Variants in IFT88 observed in about 807,000 individuals in gnomAD.
IFT88 encodes the protein intraflagellar transport protein 88 homolog.
In IFT88, 74 loss-of-function variants were observed where a neutral mutation model predicts 119.5. The ratio of observed to expected loss-of-function variants is 0.62; its 90% confidence interval spans 0.51 to 0.75. The LOEUF is 0.75. Among genes scored for constraint, IFT88 ranks in the 30% least tolerant of loss-of-function variants. IFT88 has a pLI of 0.00. For synonymous variants in IFT88, 279 were observed against 316.7 expected (o/e 0.88, Z 1.26); for missense variants, 961 against 977.7 (o/e 0.98, Z 0.23).
At position 20,691,300 on chromosome 13, in the gene IFT88, T is replaced by C; in HGVS notation, c.*125T>C. On this transcript the variant is annotated 3_prime_UTR_variant, in exon 26 of 26. Transcript: ENST00000351808. ...ACTGTCAAAACTTAAGTAAGTGTAT[T>C]CTATTCTGTATGTATGCATTTAAGT... The C allele has an allele frequency of 1.1e-6, 1 of 888,928 alleles. No homozygotes were observed. Among genetic ancestry groups the C allele is most frequent in the Non-Finnish European group, 1.7e-6 (1 of 599,524 alleles). 55.1% of individuals were successfully genotyped at this position (888,928 alleles called of 1,614,324 possible).
chr13:20,643,411 A>G, intron 18 of IFT88, 44 bp from the exon 19 acceptor site: 1 of 1,477,286 alleles, frequency 6.8e-7, no homozygotes, highest in African/African-American at 1.4e-5. Context: ...CTTATTGCTT[A>G]ATGAATTTAG....
chr13:20,582,434 G>T (rs77931610), intron 2 of IFT88, among the ~76,000 whole-genome samples: 1 of 152,146 alleles, frequency 6.6e-6, no homozygotes, highest in African/African-American at 2.4e-5. Context: ...TCCAGTCTGC[G>T]TCTCAGACTT....
Position 20,638,391 on chromosome 13 carries a change from T to C in IFT88, c.1446T>C (p.Tyr482=). ...ATATAGCTGTGAACTCTGATAGATA[T>C]AATCCAGCAGCTCTTACTAATAAAG... is the stretch of plus-strand genomic sequence containing the variant. ...YADIAVNSDR[Y]NPAALTNKGN... The change falls in exon 17 of 26, where the codon TAT becomes TAC. Residue 482 remains tyrosine, a synonymous_variant. Transcript: ENST00000351808. 1 of 1,509,298 alleles carries C rather than the reference T, an allele frequency of 6.6e-7. No individual in the cohort carries two copies. The highest frequency in any genetic ancestry group is 8.8e-7 in the Non-Finnish European group (1 of 1,133,382). The allele number at this position is 1,509,298 out of a possible 1,614,324, so 93.5% of individuals were successfully genotyped here.
chr13:20,611,437 C>T (rs1304365181), intron 13 of IFT88, among the ~76,000 whole-genome samples: 1 of 140,732 alleles, frequency 7.1e-6, no homozygotes, highest in Non-Finnish European at 1.5e-5. Context: ...ATTGCTTGAG[C>T]CTGGGAGGTG....
chr13:20,570,142 CAG>C (rs1366461347), intron 1 of IFT88, among the ~76,000 whole-genome samples: 2 of 152,022 alleles, frequency 1.3e-5, no homozygotes, highest in Non-Finnish European at 2.9e-5. Flanking sequence ...CATTAGTCAT[CAG>C]GGGAATGCAA....
chr13:20,687,653 C>A (rs766565067), intron 24 of IFT88, among the ~76,000 whole-genome samples: 1 of 150,964 alleles, frequency 6.6e-6, no homozygotes, highest in Non-Finnish European at 1.5e-5. Flanking sequence ...CTATGTCTGA[C>A]GGTAAGATAG....
intron 13 of IFT88, among the ~76,000 whole-genome samples, chr13:20,610,905 G>A (rs919682212): frequency 1.3e-4 from 20 of 151,978 alleles, no homozygotes; most frequent in Admixed American, 7.9e-4. Context: ...TTGTGGTACC[G>A]AGGTGGGTGG....
chr13:20,570,374 T>G (rs2036082706), intron 1 of IFT88, among the ~76,000 whole-genome samples: 1 of 152,202 alleles, frequency 6.6e-6, no homozygotes, highest in Admixed American at 6.5e-5. Flanking sequence ...TTACTAGATA[T>G]ATTCCCAATA....
intron 20 of IFT88, among the ~76,000 whole-genome samples, chr13:20,650,285 G>A (rs185035315): frequency 1.5e-3 from 228 of 152,104 alleles, no homozygotes; most frequent in African/African-American, 5.1e-3. Context: ...TTCGCAAGTG[G>A]TATTTACTCC....
intron 2 of IFT88, among the ~76,000 whole-genome samples, chr13:20,580,961 A>G (rs1047827951): frequency 6.6e-6 from 1 of 151,908 alleles, no homozygotes; most frequent in Non-Finnish European, 1.5e-5. Context: ...TCCTGACTTC[A>G]TGATCCGCCC....
At chr13:20,656,208 T>C (rs2052765664) in intron 21 of IFT88, among the ~76,000 whole-genome samples, 157 bp from the exon 22 acceptor site, 2 of 151,960 alleles carry the variant, frequency 1.3e-5, no homozygotes, top group Admixed American at 6.6e-5. Context: ...ATTTTATCTA[T>C]ACATTTTCTT....
chr13:20,592,424 G>C lies in IFT88; in HGVS notation c.398+20G>C. The C allele has an allele frequency of 6.6e-7, 1 of 1,515,240 alleles. No individual in the cohort carries two copies. The allele number at this position is 1,515,240 out of a possible 1,614,324, so 93.9% of individuals were successfully genotyped here. A position where few individuals can be genotyped will look rare whatever the true frequency, so the allele number is the denominator to read the frequency against. ...AGATAGGTATGTAAGTCCTTATGTT[G>C]TTGTTTGTTGTTGTTGCTGCATATT... On this transcript the variant is annotated intron_variant, in intron 7 of 25. Transcript: ENST00000351808.
At chr13:20,619,479 C>G (rs1362330989) in intron 14 of IFT88, among the ~76,000 whole-genome samples, 1 of 152,020 alleles carries the variant, frequency 6.6e-6, no homozygotes, top group Non-Finnish European at 1.5e-5. Context: ...GGAATCATAC[C>G]GTACATATTC....
chr13:20,682,025 A>G (rs1045833419), intron 24 of IFT88, among the ~76,000 whole-genome samples: 3 of 152,274 alleles, frequency 2.0e-5, no homozygotes, highest in African/African-American at 7.2e-5. Flanking sequence ...GTGATTATCA[A>G]GAACACCTAC....
At chr13:20,582,234 G>A (rs1465838026) in intron 2 of IFT88, among the ~76,000 whole-genome samples, 21 of 152,190 alleles carry the variant, frequency 1.4e-4, no homozygotes, top group Non-Finnish European at 4.4e-5. Flanking sequence ...ATGGTATTTT[G>A]TTCAGGAAAC....
intron 24 of IFT88, among the ~76,000 whole-genome samples, chr13:20,688,941 T>A (rs115023205): frequency 0.016 from 2,384 of 152,158 alleles, 51 homozygotes; most frequent in African/African-American, 0.054. Flanking sequence ...TTAATTAATT[T>A]ATTTATTTAT....
rs554261492 is a variant in IFT88, at chr13:20,576,122, A to T, written c.90+1647A>T. Among the ~76,000 whole-genome samples, 7 of 152,342 alleles carry T rather than the reference A, an allele frequency of 4.6e-5. No individual in the cohort carries two copies. The East Asian group carries it at 1.4e-3, about 29-fold the overall frequency. On this transcript the variant is annotated intron_variant, in intron 2 of 25. Transcript: ENST00000351808. ...GATTTCCATTTCTCTGATGGTCAAT[A>T]ATGTTGAGCACTTTTTCATATACAT...
rs1198124593 is a variant in IFT88 at position 20,598,850 on chromosome 13, A to G, written c.697+97A>G. 10 of 728,382 alleles carry G rather than the reference A, an allele frequency of 1.4e-5. 1 individual carries two copies. Among genetic ancestry groups the G allele is most frequent in the African/African-American group, 5.2e-5 (3 of 57,328 alleles). The allele number at this position is 728,382 out of a possible 1,614,324, so 45.1% of individuals were successfully genotyped here. Reference sequence around the variant, plus strand: ...ATGCTTCCTTAAAATGAAATGATCTATGCTCTAAACAAATCAGTATTTATG... The same window carrying G: ...ATGCTTCCTTAAAATGAAATGATCTGTGCTCTAAACAAATCAGTATTTATG... On this transcript the variant is annotated intron_variant, in intron 10 of 25. Transcript: ENST00000351808.
intron 23 of IFT88, among the ~76,000 whole-genome samples, chr13:20,668,120 C>T (rs527876827): frequency 2.6e-5 from 4 of 152,334 alleles, no homozygotes; most frequent in African/African-American, 9.6e-5. Context: ...CACTTTACCT[C>T]CATCACACTC....
Sources: gnomAD v4.1 joint callset for allele counts (sites outside exome capture counted in the v4.1 genomes callset) on GRCh38, gnomAD v4.1.1 for gene constraint, MANE v1.5 for transcripts, NCBI Gene and HGNC (gene_info 2026-07-23, HGNC 2026-07-21) for gene names.